MYBPC1: variants seen among roughly 807,000 people sequenced by gnomAD.
MYBPC1 encodes the protein myosin binding protein C1.
Under a neutral mutation model 147.1 loss-of-function variants are expected in MYBPC1, and 52 were observed. The ratio of observed to expected loss-of-function variants is 0.35; its 90% CI spans 0.28 to 0.45. The LOEUF (loss-of-function observed/expected upper bound fraction) is 0.45. Among genes scored for constraint, MYBPC1 ranks in the 20% least tolerant of loss-of-function variants. The pLI is 1.00. For missense variants in MYBPC1, 1,228 were observed against 1,440.3 expected (o/e 0.85, Z 2.39); for synonymous variants, 477 against 475.9 (o/e 1.00, Z -0.03).
At chr12:101,655,697 A>G (rs1202416113) in intron 18 of MYBPC1, among the ~76,000 whole-genome samples, 3 of 152,234 alleles carry the variant, frequency 2.0e-5, no homozygotes, top group African/African-American at 7.2e-5. Context: ...TATCTTTCAA[A>G]AGTGAAGGAG....
chr12:101,669,422 A>C (rs973738674), intron 23 of MYBPC1, among the ~76,000 whole-genome samples: 19 of 152,214 alleles, frequency 1.2e-4, no homozygotes, highest in Non-Finnish European at 2.6e-4. Context: ...ATTAATGAAT[A>C]TTAATACACA....
In MYBPC1 at chr12:101,629,215, A is replaced by G. The variant is rs143816798; in HGVS notation, c.179-219A>G. On this transcript the variant is annotated intron_variant, in intron 5 of 31. Coordinates refer to ENST00000361466, the MANE Select transcript of MYBPC1 (RefSeq NM_002465.4). ...TTCCACTATTTCTAAGAATTACATA[A>G]TGTTCATTTGCCCCATCATGGAAGA... The G allele has an allele frequency of 1.1e-5, 6 of 552,660 alleles. No individual in the cohort carries two copies. The African/African-American group carries it at 1.1e-4, about 10-fold the overall frequency. The allele number at this position is 552,660 out of a possible 1,614,324, so 34.2% of individuals were successfully genotyped here. A position where few individuals can be genotyped will look rare whatever the true frequency, so the allele number is the denominator to read the frequency against.
intron 28 of MYBPC1, 110 bp downstream of exon 28, chr12:101,678,348 T>C: frequency 1.3e-6 from 2 of 1,483,468 alleles, no homozygotes; most frequent in South Asian, 1.1e-5. Context: ...CTTCCCAGGA[T>C]GGGGGATTAG....
intron 10 of MYBPC1, among the ~76,000 whole-genome samples, chr12:101,642,018 T>G (rs1241720070): frequency 6.6e-6 from 1 of 152,150 alleles, no homozygotes; most frequent in Admixed American, 6.5e-5. Flanking sequence ...ATCTAAACCT[T>G]TTAGTTCTAG....
At position 101,651,314 on chromosome 12, in the gene MYBPC1, G is replaced by A. The variant is rs761647679; in HGVS notation, c.1447G>A (p.Glu483Lys). The change falls in exon 16 of 32, where the codon GAA becomes AAA. Residue 483 changes from glutamate (E) to lysine (K), a missense_variant. Around this residue, in one of 2 missense-constraint regions of MYBPC1, gnomAD observed 1,077 missense variants for 1,314.2 expected, o/e 0.82. Coordinates refer to ENST00000361466, the MANE Select transcript of MYBPC1 (RefSeq NM_002465.4). ...AATCTGCCTGAAGTGTGAAATCTCT[G>A]AAAACATACCAGGAAAATGGACTAA... ...KEICLKCEIS[E>K]NIPGKWTKNG... is the part of the protein sequence containing the mutation. The A allele has an allele frequency of 6.2e-7, 1 of 1,614,078 alleles. No individual in the cohort carries two copies. Among genetic ancestry groups the A allele is most frequent in the South Asian group, 1.1e-5 (1 of 91,080 alleles).
At position 101,673,551 on chromosome 12, in the gene MYBPC1, C is replaced by T. The variant is rs928737426; in HGVS notation, c.2738C>T (p.Ser913Phe). The T allele has an allele frequency of 6.2e-7, 1 of 1,614,018 alleles. No individual in the cohort carries two copies. Among genetic ancestry groups the T allele is most frequent in the African/African-American group, 1.3e-5 (1 of 74,896 alleles). The change falls in exon 25 of 32, where the codon TCT becomes TTT. Residue 913 changes from serine to phenylalanine, a missense_variant. Coordinates refer to ENST00000361466, the MANE Select transcript of MYBPC1 (RefSeq NM_002465.4). ...ATTAGAAAAGCAGAGAGGAGCCACTCTGGGAAATATGATCTGCAAGTCAAA... is the reference window on the plus strand; with the variant it reads ...ATTAGAAAAGCAGAGAGGAGCCACTTTGGGAAATATGATCTGCAAGTCAAA... Reference protein sequence around the residue: ...IFIRKAERSHSGKYDLQVKVD... With the variant: ...IFIRKAERSHFGKYDLQVKVD...
At chr12:101,694,282 T>C in the MYBPC1 span, among the ~76,000 whole-genome samples, 3 of 152,264 alleles carry the variant, frequency 2.0e-5, no homozygotes, top group Non-Finnish European at 4.4e-5. Context: ...CTTTTCTTCA[T>C]AGCTTTGCCA....
At chr12:101,609,878 G>A (rs993833007) in intron 1 of MYBPC1, among the ~76,000 whole-genome samples, 1 of 152,296 alleles carries the variant, frequency 6.6e-6, no homozygotes, top group East Asian at 1.9e-4. Context: ...GGATGCTCCT[G>A]CCTATGGTCC....
chr12:101,631,398 C>A (rs776435239), intron 6 of MYBPC1, among the ~76,000 whole-genome samples, 173 bp from the exon 7 acceptor site: 5 of 152,134 alleles, frequency 3.3e-5, no homozygotes, highest in African/African-American at 1.2e-4. Context: ...GCTGGGACAG[C>A]CTAAGGACCT....
At chr12:101,671,236 C>G (rs1444514049) in intron 24 of MYBPC1, among the ~76,000 whole-genome samples, 3 of 151,918 alleles carry the variant, frequency 2.0e-5, no homozygotes, top group African/African-American at 7.3e-5. Context: ...TAAATAGCCA[C>G]GTGTACCTTG....
chr12:101,623,435 A>G (rs1406962319), intron 3 of MYBPC1, among the ~76,000 whole-genome samples: 2 of 152,208 alleles, frequency 1.3e-5, no homozygotes, highest in Non-Finnish European at 2.9e-5. Context: ...AAATATTATG[A>G]TGTATCAATC....
chr12:101,595,005 T>A lies in MYBPC1; in HGVS notation c.-66T>A. 9 of 1,523,496 alleles carry A rather than the reference T, an allele frequency of 5.9e-6. No homozygotes were observed. Among genetic ancestry groups the A allele is most frequent in the Non-Finnish European group, 8.2e-6 (9 of 1,098,742 alleles). 94.4% of individuals were successfully genotyped at this position (1,523,496 alleles called of 1,614,324 possible). On this transcript the variant is annotated 5_prime_UTR_variant, in exon 1 of 32. Coordinates refer to ENST00000361466, the MANE Select transcript of MYBPC1 (RefSeq NM_002465.4). ...ACCTGCACCATCTCTCGCCTGCCTG[T>A]GGGGTTTCTGTCAACTAGTCGTGGA...
At chr12:101,628,722 T>G (rs913941021) in intron 5 of MYBPC1, among the ~76,000 whole-genome samples, 2 of 152,204 alleles carry the variant, frequency 1.3e-5, no homozygotes, top group Non-Finnish European at 1.5e-5. Flanking sequence ...AGAGTGCAAA[T>G]GAGAAGATGC....
chr12:101,646,765 A>G lies in MYBPC1; in HGVS notation c.968A>G (p.Tyr323Cys). ...NGQEIRPSTK[Y>C]IFEHKGCQRI... ...TATTTTCATCCTATTCAAAACAGATACATCTTTGAACACAAAGGATGCCAG... is the reference window on the plus strand; with the variant it reads ...TATTTTCATCCTATTCAAAACAGATGCATCTTTGAACACAAAGGATGCCAG... The change falls in exon 13 of 32, where the codon TAC (tyrosine) becomes TGC (cysteine). Residue 323 changes from tyrosine to cysteine, a missense_variant and splice_region_variant. This residue lies in a region of MYBPC1 where 1,077 missense variants were observed against 1,314.2 expected (regional missense o/e 0.82). Transcript: ENST00000361466. 6.2e-7 allele frequency: 1 copy of G among 1,612,632 alleles called. No individual in the cohort carries two copies. Among genetic ancestry groups the G allele is most frequent in the African/African-American group, 1.3e-5 (1 of 75,024 alleles).
intron 28 of MYBPC1, among the ~76,000 whole-genome samples, chr12:101,680,120 C>T (rs1950839639): frequency 6.6e-6 from 1 of 152,200 alleles, no homozygotes; most frequent in African/African-American, 2.4e-5. Context: ...CTAGAGTTAC[C>T]TCTGAACACA....
chr12:101,689,277 A>G (rs976812177), downstream of MYBPC1, among the ~76,000 whole-genome samples: 6 of 152,210 alleles, frequency 3.9e-5, no homozygotes, highest in African/African-American at 1.4e-4. Flanking sequence ...CAGAGTCAAC[A>G]GGAATCTTTC....
At chr12:101,645,018 G>A (rs766150376) in intron 12 of MYBPC1, among the ~76,000 whole-genome samples, 5 of 152,036 alleles carry the variant, frequency 3.3e-5, no homozygotes, top group Non-Finnish European at 7.4e-5. Flanking sequence ...ACTATTTAAA[G>A]TGTTTTCCAA....
chr12:101,605,103 A>C (rs1264415145), intron 1 of MYBPC1, among the ~76,000 whole-genome samples: 4 of 152,204 alleles, frequency 2.6e-5, no homozygotes, highest in Non-Finnish European at 4.4e-5. Flanking sequence ...GGAGCTTGAG[A>C]TAAATGCAGA....
chr12:101,678,036 C>A, intron 27 of MYBPC1, 66 bp from the exon 28 acceptor site: 2 of 1,552,298 alleles, frequency 1.3e-6, no homozygotes, highest in Non-Finnish European at 1.8e-6. Context: ...GTAAAGTATG[C>A]CACCAATAAT....
Sources: gnomAD v4.1 joint callset for allele counts (sites outside exome capture counted in the v4.1 genomes callset) on GRCh38, gnomAD v4.1.1 for gene constraint, gnomAD v4.1.1 regional missense constraint, MANE v1.5 for transcripts, NCBI Gene and HGNC (gene_info 2026-07-23, HGNC 2026-07-21) for gene names.